Variants in SHROOM3 observed in about 807,000 individuals in gnomAD.
SHROOM3 encodes the protein protein Shroom3.
In SHROOM3, 47 loss-of-function variants were observed where a neutral mutation model predicts 138.6. The ratio of observed to expected loss-of-function variants is 0.34; its 90% CI spans 0.27 to 0.43. The LOEUF (loss-of-function observed/expected upper bound fraction) is 0.43, where lower values mean the gene tolerates loss of function less well. Among genes scored for constraint, SHROOM3 ranks in the 20% least tolerant of loss-of-function variants. SHROOM3 has a pLI of 1.00. For synonymous variants in SHROOM3, 1,062 were observed against 1,063.3 expected, an observed-to-expected ratio of 1.00 and a Z score of 0.02; for missense variants, 2,491 against 2,596.5, an observed-to-expected ratio of 0.96 and a Z score of 0.88.
chr4:76,435,989 A>G lies in SHROOM3; in HGVS notation c.-64A>G. On this transcript the variant is annotated 5_prime_UTR_variant, in exon 1 of 11. Transcript: ENST00000296043. ...AGGATGGGACAACTTGTGCTGTAGA[A>G]GCACTGCTTGCCTGAGTTTGCTTCA... 6.3e-7 allele frequency: 1 copy of G among 1,577,016 alleles called. No homozygotes were observed.
intron 1 of SHROOM3, among the ~76,000 whole-genome samples, chr4:76,547,973 G>A (rs1209361647): frequency 8.6e-6 from 1 of 115,732 alleles, no homozygotes; most frequent in Non-Finnish European, 1.8e-5. Context: ...CATGAATTAA[G>A]TGTTAATGAG....
intron 4 of SHROOM3, among the ~76,000 whole-genome samples, chr4:76,735,868 A>AAATAT (rs1553944040): frequency 1.6e-4 from 3 of 18,812 alleles, no homozygotes; most frequent in African/African-American, 2.1e-4. Flanking sequence ...AAAAAAAAAA[A>AAATAT]ATATATATAT....
chr4:76,456,524 C>G (rs750599722), intron 1 of SHROOM3, among the ~76,000 whole-genome samples: 4 of 152,104 alleles, frequency 2.6e-5, no homozygotes, highest in Non-Finnish European at 5.9e-5. Flanking sequence ...GACGAACATA[C>G]TGTGTATACC....
intron 2 of SHROOM3, 133 bp from the exon 3 acceptor site, chr4:76,710,023 C>G (rs1416114109): frequency 8.6e-7 from 1 of 1,169,406 alleles, no homozygotes; most frequent in Non-Finnish European, 1.3e-6. Flanking sequence ...GCTTAGAACC[C>G]TGCACTTAGC....
intron 2 of SHROOM3, among the ~76,000 whole-genome samples, chr4:76,695,409 C>G (rs13138237): frequency 0.29 from 44,341 of 151,866 alleles, 6,644 homozygotes; most frequent in East Asian, 0.42. Context: ...TTCTTGGTCT[C>G]CAAAAAAATA....
chr4:76,763,711 A>G (rs996303613), intron 9 of SHROOM3, among the ~76,000 whole-genome samples: 2 of 152,240 alleles, frequency 1.3e-5, no homozygotes, highest in Non-Finnish European at 2.9e-5. Flanking sequence ...GGATTTTATC[A>G]TATGACAATG....
chr4:76,536,459 A>T (rs1261240443), intron 1 of SHROOM3, among the ~76,000 whole-genome samples: 2 of 152,186 alleles, frequency 1.3e-5, no homozygotes, highest in East Asian at 3.9e-4. Context: ...TTCCCAGCGA[A>T]ATCTTAACTA....
chr4:76,459,328 A>G (rs556344247), intron 1 of SHROOM3, among the ~76,000 whole-genome samples: 9 of 152,302 alleles, frequency 5.9e-5, no homozygotes, highest in African/African-American at 1.9e-4. Context: ...CAAAGACTAC[A>G]TTCCTCATTA....
intron 1 of SHROOM3, among the ~76,000 whole-genome samples, chr4:76,487,296 T>A (rs1458982873): frequency 6.6e-6 from 1 of 152,256 alleles, no homozygotes; most frequent in Non-Finnish European, 1.5e-5. Context: ...TATTGCCAAG[T>A]TATATTCCAC....
At chr4:76,487,473 T>C (rs1170098098) in intron 1 of SHROOM3, among the ~76,000 whole-genome samples, 1 of 152,150 alleles carries the variant, frequency 6.6e-6, no homozygotes, top group Non-Finnish European at 1.5e-5. Flanking sequence ...AGGAGTGAAA[T>C]TGCTGGAGAG....
intron 2 of SHROOM3, among the ~76,000 whole-genome samples, chr4:76,569,986 C>T (rs1352725026): frequency 3.3e-5 from 5 of 152,134 alleles, no homozygotes; most frequent in South Asian, 4.2e-4. Context: ...TGAGCAACTC[C>T]GTGGTTATTC....
intron 4 of SHROOM3, among the ~76,000 whole-genome samples, chr4:76,734,013 G>A (rs1560605510): frequency 6.6e-6 from 1 of 152,086 alleles, no homozygotes; most frequent in Non-Finnish European, 1.5e-5. Context: ...CTTTAGAAGA[G>A]ACTGAAAAGT....
chr4:76,636,273 T>G (rs971536054), intron 2 of SHROOM3, among the ~76,000 whole-genome samples: 4 of 152,214 alleles, frequency 2.6e-5, no homozygotes, highest in African/African-American at 9.6e-5. Flanking sequence ...ATTTTAAAAT[T>G]TTTGACAGAC....
chr4:76,632,028 T>G (rs1384350563), intron 2 of SHROOM3, among the ~76,000 whole-genome samples: 1 of 152,090 alleles, frequency 6.6e-6, no homozygotes, highest in Admixed American at 6.6e-5. Flanking sequence ...ATCTGAATAA[T>G]TGGGATGGTA....
At chr4:76,690,321 G>T (rs1335847587) in intron 2 of SHROOM3, among the ~76,000 whole-genome samples, 2 of 152,140 alleles carry the variant, frequency 1.3e-5, no homozygotes, top group Non-Finnish European at 2.9e-5. Context: ...GCACTCTCTG[G>T]GGGTGGGATG....
chr4:76,778,811 C>T lies in SHROOM3; in HGVS notation c.5625C>T (p.Ser1875=), dbSNP rs768835802. ...LGEDASNEER[S]SLYEKRKILA... ...ATCTGTCCAATTTTCCCTGGCAGAG[C>T]TCTCTTTACGAGAAAAGGAAGATCC... The change falls in exon 11 of 11, where the codon AGC becomes AGT. Residue 1875 remains serine, a splice_region_variant and synonymous_variant. Coordinates refer to ENST00000296043, the MANE Select transcript of SHROOM3 (RefSeq NM_020859.4). The T allele has an allele frequency of 2.5e-6, 4 of 1,612,124 alleles. No individual in the cohort carries two copies. The African/African-American group carries it at 5.3e-5, about 22-fold the overall frequency.
chr4:76,663,834 G>C (rs545714417), intron 2 of SHROOM3, among the ~76,000 whole-genome samples: 3 of 152,334 alleles, frequency 2.0e-5, no homozygotes, highest in African/African-American at 7.2e-5. Flanking sequence ...AGTTGGGTTA[G>C]AGTGGTCCTT....
At chr4:76,463,210 C>T (rs190072463) in intron 1 of SHROOM3, among the ~76,000 whole-genome samples, 85 of 152,324 alleles carry the variant, frequency 5.6e-4, no homozygotes, top group African/African-American at 2.0e-3. Flanking sequence ...TTATTGGGAA[C>T]TGAAGTAAAG....
At chr4:76,743,195 T>C (rs546894066) in intron 5 of SHROOM3, among the ~76,000 whole-genome samples, 3 of 152,192 alleles carry the variant, frequency 2.0e-5, no homozygotes, top group Non-Finnish European at 4.4e-5. Context: ...GGAGAGGGGA[T>C]GCATTGATGG....
Sources: gnomAD v4.1 joint callset for allele counts (sites outside exome capture counted in the v4.1 genomes callset) on GRCh38, gnomAD v4.1.1 for gene constraint, MANE v1.5 for transcripts, NCBI Gene and HGNC (gene_info 2026-07-23, HGNC 2026-07-21) for gene names.